LMNTD1: variants seen among roughly 807,000 people sequenced by gnomAD.
LMNTD1 encodes the protein lamin tail domain-containing protein 1.
LMNTD1 carries 35 observed loss-of-function variants against 50.9 expected under a neutral mutation model. The observed-to-expected ratio is 0.69, with a 90% confidence interval of 0.53 to 0.91. The LOEUF is 0.91. Ranked by LOEUF, LMNTD1 falls within the 40% of genes least tolerant of loss-of-function variation. LMNTD1 has a pLI of 0.00. For missense variants in LMNTD1, 470 were observed against 475.5 expected, an observed-to-expected ratio of 0.99 and a Z score of 0.11; for synonymous variants, 153 against 161.9, an observed-to-expected ratio of 0.94 and a Z score of 0.42.
chr12:25,543,815 T>A (rs1179165895), intron 4 of LMNTD1, among the ~76,000 whole-genome samples: 1 of 151,960 alleles, frequency 6.6e-6, no homozygotes, highest in African/African-American at 2.4e-5. Flanking sequence ...AAGACATTTT[T>A]AAATTTTCTT....
intron 4 of LMNTD1, among the ~76,000 whole-genome samples, chr12:25,538,141 A>T (rs1338522194): frequency 2.5e-5 from 2 of 81,100 alleles, no homozygotes; most frequent in Non-Finnish European, 6.1e-5. Context: ...CAAGGTGGAA[A>T]ACACTCTGCA....
At chr12:25,629,789 T>G (rs1046149331) in intron 1 of LMNTD1, among the ~76,000 whole-genome samples, 1 of 151,938 alleles carries the variant, frequency 6.6e-6, no homozygotes, top group Non-Finnish European at 1.5e-5. Flanking sequence ...GCAGACCAGG[T>G]AGAAGCTTAA....
In LMNTD1 at chr12:25,622,327, G is replaced by A. The variant is rs984531816; in HGVS notation, c.58+26167C>T. Among the ~76,000 whole-genome samples the A allele has an allele frequency of 7.2e-5, 11 of 152,068 alleles. No homozygotes were observed. In the East Asian group the frequency reaches 1.3e-3, roughly 19 times the overall value. On this transcript the variant is annotated intron_variant, in intron 1 of 7. Transcript: ENST00000445693. Reference sequence around the variant, plus strand: ...GGTACAGCAAACAGCTAACTTCACCGTATGACTTAGCCAAGTGTAAAACAA... The same window carrying A: ...GGTACAGCAAACAGCTAACTTCACCATATGACTTAGCCAAGTGTAAAACAA...
chr12:25,480,266 G>A (rs989269625), intron 9 of LMNTD1, among the ~76,000 whole-genome samples: 1 of 152,174 alleles, frequency 6.6e-6, no homozygotes, highest in African/African-American at 2.4e-5. Flanking sequence ...TAGGCATGGT[G>A]CATTTGTATT....
At chr12:25,586,262 T>C (rs189456316) in intron 1 of LMNTD1, 1 of 152,200 alleles carries the variant, frequency 6.6e-6, no homozygotes, top group African/African-American at 2.4e-5. Flanking sequence ...CCTACTCAGC[T>C]ACTCAAGCCA....
At chr12:25,522,848 G>A (rs80096942) in intron 6 of LMNTD1, among the ~76,000 whole-genome samples, 3,057 of 152,100 alleles carry the variant, frequency 0.02, 78 homozygotes, top group African/African-American at 0.058. Flanking sequence ...TTTACAGATG[G>A]GAAAGTAGAA....
chr12:25,534,442 G>A (rs956751981), intron 4 of LMNTD1, among the ~76,000 whole-genome samples: 2 of 152,118 alleles, frequency 1.3e-5, no homozygotes, highest in South Asian at 4.1e-4. Context: ...ATTATTTCTC[G>A]AGAAAATTTC....
At chr12:25,524,520 CTT>C (rs1941572001) in intron 6 of LMNTD1, among the ~76,000 whole-genome samples, 7 of 152,120 alleles carry the variant, frequency 4.6e-5, no homozygotes, top group Admixed American at 3.9e-4. Flanking sequence ...GAAATGAAAA[CTT>C]TTTAAAATCT....
intron 1 of LMNTD1, among the ~76,000 whole-genome samples, chr12:25,587,195 C>A (rs1161152126): frequency 6.6e-6 from 1 of 152,168 alleles, no homozygotes; most frequent in Non-Finnish European, 1.5e-5. Flanking sequence ...TCTATTATTG[C>A]CCCTGTACTC....
intron 9 of LMNTD1, among the ~76,000 whole-genome samples, chr12:25,493,092 C>T (rs775690901): frequency 1.3e-5 from 2 of 152,110 alleles, no homozygotes; most frequent in Non-Finnish European, 2.9e-5. Flanking sequence ...CTTCAAAGAA[C>T]CCTCAGGATT....
intron 1 of LMNTD1, among the ~76,000 whole-genome samples, chr12:25,562,296 G>T (rs1199166335): frequency 6.6e-6 from 1 of 152,090 alleles, no homozygotes; most frequent in Non-Finnish European, 1.5e-5. Flanking sequence ...TCCATGTTTA[G>T]TGCTTCCTTC....
chr12:25,555,760 T>C (rs551502530), upstream of LMNTD1, among the ~76,000 whole-genome samples: 1 of 152,276 alleles, frequency 6.6e-6, no homozygotes, highest in Non-Finnish European at 1.5e-5. Context: ...GAGTAATAGT[T>C]ACATGGAGAT....
intron 1 of LMNTD1, among the ~76,000 whole-genome samples, chr12:25,639,332 T>C (rs1321499454): frequency 6.6e-6 from 1 of 152,110 alleles, no homozygotes; most frequent in Non-Finnish European, 1.5e-5. Context: ...TCATCAAAAT[T>C]GAAAACTTTT....
At chr12:25,577,347 T>A (rs936598256) in intron 1 of LMNTD1, among the ~76,000 whole-genome samples, 1 of 152,240 alleles carries the variant, frequency 6.6e-6, no homozygotes, top group African/African-American at 2.4e-5. Context: ...CATTTGTTTG[T>A]GTCCTCTTTT....
chr12:25,614,386 A>G (rs190321911), intron 1 of LMNTD1, among the ~76,000 whole-genome samples: 3 of 152,088 alleles, frequency 2.0e-5, no homozygotes, highest in African/African-American at 7.2e-5. Flanking sequence ...CTCAATTACC[A>G]GGTATCTGGG....
chr12:25,521,867 G>A (rs1464871948), intron 6 of LMNTD1, among the ~76,000 whole-genome samples: 2 of 152,188 alleles, frequency 1.3e-5, no homozygotes, highest in African/African-American at 4.8e-5. Flanking sequence ...TGAAGCTGGA[G>A]TTTGTTTGGA....
chr12:25,629,850 T>C (rs1245850221), intron 1 of LMNTD1, among the ~76,000 whole-genome samples: 2 of 152,090 alleles, frequency 1.3e-5, no homozygotes, highest in African/African-American at 4.8e-5. Context: ...AAAAGAGTCC[T>C]CATGGAGTTG....
chr12:25,604,049 G>A (rs2136514918), intron 1 of LMNTD1, among the ~76,000 whole-genome samples: 1 of 152,198 alleles, frequency 6.6e-6, no homozygotes, highest in South Asian at 2.1e-4. Context: ...GATTAAAAGA[G>A]TCATATTTAT....
chr12:25,490,722 C>T (rs940010543), intron 9 of LMNTD1, among the ~76,000 whole-genome samples: 1 of 152,124 alleles, frequency 6.6e-6, no homozygotes, highest in Non-Finnish European at 1.5e-5. Flanking sequence ...TGAATACAGA[C>T]ATTAATCAAC....
Sources: allele counts gnomAD v4.1 joint callset (sites outside exome capture counted in the v4.1 genomes callset), GRCh38; gene constraint gnomAD v4.1.1; transcripts MANE v1.5; gene names NCBI Gene and HGNC (gene_info 2026-07-23, HGNC 2026-07-21).